Variants in DSCAM observed in about 807,000 individuals in gnomAD.
DSCAM encodes cell adhesion molecule DSCAM.
DSCAM carries 47 observed loss-of-function variants against 217.7 expected under a neutral mutation model. That is an observed-to-expected ratio of 0.22 (90% confidence interval 0.17 to 0.28). The LOEUF (loss-of-function observed/expected upper bound fraction) is 0.28. Ranked by LOEUF, DSCAM falls within the 10% of genes least tolerant of loss-of-function variation. The probability of loss-of-function intolerance (pLI) is 1.00; values close to 1 mark genes in which losing one functional copy is unlikely to be tolerated. For missense variants in DSCAM, 2,080 were observed against 2,618.3 expected, an observed-to-expected ratio of 0.79 and a Z score of 4.49; for synonymous variants, 1,056 against 1,015.3, an observed-to-expected ratio of 1.04 and a Z score of -0.76.
chr21:40,443,822 T>TA (rs1262236800), intron 3 of DSCAM, among the ~76,000 whole-genome samples: 1 of 152,192 alleles, frequency 6.6e-6, no homozygotes, highest in African/African-American at 2.4e-5. Flanking sequence ...TATTTTAAAG[T>TA]TTTAATTATT....
intron 3 of DSCAM, among the ~76,000 whole-genome samples, chr21:40,593,425 A>T (rs1183368116): frequency 6.6e-6 from 1 of 151,930 alleles, no homozygotes. Context: ...TCCTGGGTCC[A>T]AGAGATTCTC....
At chr21:40,417,487 T>C (rs1280708550) in intron 3 of DSCAM, among the ~76,000 whole-genome samples, 1 of 152,220 alleles carries the variant, frequency 6.6e-6, no homozygotes, top group South Asian at 2.1e-4. Context: ...TTAGAATCAA[T>C]TTCAGAAACA....
chr21:40,457,033 G>A (rs918754138), intron 3 of DSCAM, among the ~76,000 whole-genome samples: 1 of 152,262 alleles, frequency 6.6e-6, no homozygotes, highest in Middle Eastern at 3.4e-3. Flanking sequence ...TGAGAGATAA[G>A]GGATAGAGGG....
intron 3 of DSCAM, among the ~76,000 whole-genome samples, chr21:40,386,044 G>A (rs1181323185): frequency 2.6e-5 from 4 of 152,214 alleles, no homozygotes; most frequent in South Asian, 4.1e-4. Flanking sequence ...CACTAGTACC[G>A]CTGGATCAAG....
chr21:40,027,061 G>A (rs1187248155), intron 32 of DSCAM, among the ~76,000 whole-genome samples: 8 of 152,298 alleles, frequency 5.3e-5, no homozygotes, highest in Admixed American at 5.2e-4. Flanking sequence ...AGCTCTTTTA[G>A]GGCAGGCCTG....
intron 3 of DSCAM, among the ~76,000 whole-genome samples, chr21:40,549,213 ATCT>A (rs1199154743): frequency 2.6e-5 from 4 of 152,228 alleles, no homozygotes; most frequent in African/African-American, 7.2e-5. Context: ...AATGTCATTT[ATCT>A]TCTTGTTTTG....
intron 1 of DSCAM, among the ~76,000 whole-genome samples, chr21:40,772,560 G>A (rs774848546): frequency 2.7e-4 from 41 of 152,216 alleles, no homozygotes; most frequent in Non-Finnish European, 5.4e-4. Context: ...GCTCTGCATA[G>A]AGCTCAGGCA....
chr21:40,477,997 C>T (rs1459985216), intron 3 of DSCAM, among the ~76,000 whole-genome samples: 2 of 152,104 alleles, frequency 1.3e-5, no homozygotes, highest in African/African-American at 4.8e-5. Context: ...ACCCCCCATG[C>T]TTCTTTATAG....
intron 32 of DSCAM, among the ~76,000 whole-genome samples, chr21:40,025,373 A>T (rs989693207): frequency 2.0e-4 from 28 of 143,102 alleles, no homozygotes; most frequent in African/African-American, 7.2e-4. Context: ...TATCAGAATG[A>T]TGCTGGCCTC....
intron 1 of DSCAM, among the ~76,000 whole-genome samples, chr21:40,709,066 GACC>G (rs1398751720): frequency 6.6e-6 from 1 of 152,042 alleles, no homozygotes; most frequent in East Asian, 1.9e-4. Flanking sequence ...TCCCCACACT[GACC>G]ACCATTGGAC....
Position 40,097,965 on chromosome 21 carries a change from AGAAAGAAAGAAAGAAAGAAAG to A in DSCAM, c.3697-4112_3697-4092del, listed in dbSNP as rs1568939102. ...CAAAAAAAAAAAAAAAAAGAAAGAA[AGAAAGAAAGAAAGAAAGAAAG>A]AAAGAAAGAAAGAAAGAAAGAAAGA... On this transcript the variant is annotated intron_variant, in intron 20 of 32. Transcript: ENST00000400454. 2.4e-3 allele frequency among the ~76,000 whole-genome samples: 140 copies of A among 57,962 alleles called. 17 individuals are homozygous for A. The highest frequency in any genetic ancestry group is 5.6e-3 in the Admixed American group (25 of 4,488). The allele number at this position is 57,962 out of a possible 152,430, so 38.0% of individuals were successfully genotyped here. A position where few individuals can be genotyped will look rare whatever the true frequency, so the allele number is the denominator to read the frequency against.
At chr21:40,156,142 G>T (rs2146747204) in intron 16 of DSCAM, among the ~76,000 whole-genome samples, 1 of 152,010 alleles carries the variant, frequency 6.6e-6, no homozygotes, top group South Asian at 2.1e-4. Flanking sequence ...GAGAGGGTAA[G>T]TATGGAGACA....
At chr21:40,248,475 G>A (rs1341293916) in intron 11 of DSCAM, among the ~76,000 whole-genome samples, 1 of 152,058 alleles carries the variant, frequency 6.6e-6, no homozygotes, top group Admixed American at 6.6e-5. Context: ...CTAGGACAGG[G>A]GCAAAATGCT....
intron 1 of DSCAM, among the ~76,000 whole-genome samples, chr21:40,802,799 C>T (rs550040310): frequency 6.6e-6 from 1 of 152,322 alleles, no homozygotes; most frequent in African/African-American, 2.4e-5. Flanking sequence ...GCCCCTTGAC[C>T]TTGGACTTGT....
At chr21:40,753,848 G>T (rs2091251031) in intron 1 of DSCAM, among the ~76,000 whole-genome samples, 1 of 152,268 alleles carries the variant, frequency 6.6e-6, no homozygotes, top group East Asian at 1.9e-4. Context: ...AATCTGAACC[G>T]CACCTGAAGT....
intron 5 of DSCAM, among the ~76,000 whole-genome samples, chr21:40,348,607 T>C (rs2074592931): frequency 6.6e-6 from 1 of 152,148 alleles, no homozygotes; most frequent in South Asian, 2.1e-4. Flanking sequence ...TCCACACAGC[T>C]CCTATCAACC....
chr21:40,582,739 A>G (rs956825418), intron 3 of DSCAM, among the ~76,000 whole-genome samples: 89 of 152,126 alleles, frequency 5.9e-4, no homozygotes, highest in African/African-American at 2.0e-3. Flanking sequence ...TACTTACTAG[A>G]AGTTGAGATG....
At chr21:40,601,966 A>G (rs893692389) in intron 3 of DSCAM, among the ~76,000 whole-genome samples, 1 of 149,916 alleles carries the variant, frequency 6.7e-6, no homozygotes, top group Non-Finnish European at 1.5e-5. Flanking sequence ...ATTGATCTGT[A>G]GTTTTCTTGT....
intron 3 of DSCAM, among the ~76,000 whole-genome samples, chr21:40,559,099 T>C (rs1327183830): frequency 2.0e-5 from 3 of 152,190 alleles, no homozygotes. Flanking sequence ...GGAGATGCAA[T>C]GATACAATCC....
Sources: allele counts gnomAD v4.1 joint callset (sites outside exome capture counted in the v4.1 genomes callset), GRCh38; gene constraint gnomAD v4.1.1; transcripts MANE v1.5; gene names NCBI Gene and HGNC (gene_info 2026-07-23, HGNC 2026-07-21).